Variants in PDE4B observed in about 807,000 individuals in gnomAD.
The protein encoded by PDE4B is 3',5'-cyclic-AMP phosphodiesterase 4B.
In PDE4B, 20 loss-of-function variants were observed where a neutral mutation model predicts 82.2. That is an observed-to-expected ratio of 0.24 (90% CI 0.17 to 0.35). PDE4B has a LOEUF of 0.35. Ranked by LOEUF, PDE4B falls within the 10% of genes least tolerant of loss-of-function variation. The pLI is 1.00. For missense variants in PDE4B, 655 were observed against 907.2 expected, an observed-to-expected ratio of 0.72 and a Z score of 3.57; for synonymous variants, 320 against 318.9, an observed-to-expected ratio of 1.00 and a Z score of -0.04.
intron 3 of PDE4B, among the ~76,000 whole-genome samples, chr1:66,196,253 C>T (rs1015412448): frequency 1.3e-5 from 2 of 152,188 alleles, no homozygotes; most frequent in African/African-American, 4.8e-5. Context: ...ACCTGTGCCA[C>T]AAACTAGAAA....
chr1:65,845,886 C>G (rs1332309520), intron 1 of PDE4B, among the ~76,000 whole-genome samples: 1 of 152,152 alleles, frequency 6.6e-6, no homozygotes, highest in Non-Finnish European at 1.5e-5. Context: ...ACTTTTTCTC[C>G]AGTCCCTATG....
intron 3 of PDE4B, among the ~76,000 whole-genome samples, chr1:66,026,399 G>A (rs1353083292): frequency 6.6e-6 from 1 of 152,138 alleles, no homozygotes; most frequent in Non-Finnish European, 1.5e-5. Context: ...GCCCTAATTA[G>A]GTGAGGCTGT....
chr1:66,285,218 A>T (rs1001877211), intron 7 of PDE4B, among the ~76,000 whole-genome samples: 2 of 152,214 alleles, frequency 1.3e-5, no homozygotes, highest in South Asian at 2.1e-4. Context: ...AAATTTACCC[A>T]TATGACCCAC....
intron 3 of PDE4B, among the ~76,000 whole-genome samples, chr1:66,201,010 G>A (rs1338231526): frequency 1.3e-5 from 2 of 152,082 alleles, no homozygotes; most frequent in Non-Finnish European, 2.9e-5. Context: ...ATTATTTTGA[G>A]ATACATCCCA....
At chr1:66,038,759 G>T (rs1254758114) in intron 3 of PDE4B, among the ~76,000 whole-genome samples, 2 of 152,158 alleles carry the variant, frequency 1.3e-5, no homozygotes, top group Admixed American at 6.5e-5. Context: ...ATTGTTGAGC[G>T]ATTGGAATAG....
At chr1:65,863,210 TCTCA>T (rs1272982690) in intron 1 of PDE4B, among the ~76,000 whole-genome samples, 1 of 152,222 alleles carries the variant, frequency 6.6e-6, no homozygotes, top group East Asian at 1.9e-4. Context: ...GTCTCTTTGT[TCTCA>T]CTGTTTTCAA....
At chr1:66,371,596 T>C (rs1335571581) in intron 16 of PDE4B, among the ~76,000 whole-genome samples, 1 of 152,192 alleles carries the variant, frequency 6.6e-6, no homozygotes, top group East Asian at 1.9e-4. Flanking sequence ...TGGAAATGAC[T>C]GCGTGCTCTG....
At chr1:66,002,973 T>C (rs1429609852) in intron 3 of PDE4B, among the ~76,000 whole-genome samples, 2 of 152,210 alleles carry the variant, frequency 1.3e-5, no homozygotes, top group Admixed American at 1.3e-4. Flanking sequence ...AGTTGTTTAA[T>C]AGATGTTACT....
intron 1 of PDE4B, among the ~76,000 whole-genome samples, chr1:65,865,134 G>A (rs1365742702): frequency 2.0e-5 from 3 of 152,180 alleles, no homozygotes; most frequent in Non-Finnish European, 4.4e-5. Context: ...GCCATGCTGT[G>A]GTGAGTTCTG....
At chr1:66,284,198 A>G (rs2101790800) in intron 7 of PDE4B, among the ~76,000 whole-genome samples, 1 of 152,086 alleles carries the variant, frequency 6.6e-6, no homozygotes, top group South Asian at 2.1e-4. Context: ...TACAAATAAC[A>G]CTCTGTACTG....
chr1:66,108,805 T>TGCTTACAAA (rs1645425674), intron 3 of PDE4B, among the ~76,000 whole-genome samples: 1 of 152,016 alleles, frequency 6.6e-6, no homozygotes, highest in Non-Finnish European at 1.5e-5. Context: ...ATTCAGTTTC[T>TGCTTACAAA]GCTTACAAAG....
At chr1:65,810,289 T>G (rs1433025934) in intron 1 of PDE4B, among the ~76,000 whole-genome samples, 1 of 152,254 alleles carries the variant, frequency 6.6e-6, no homozygotes, top group Non-Finnish European at 1.5e-5. Flanking sequence ...TGGAGGAAGG[T>G]AACTAATATT....
chr1:66,365,839 T>C (rs1663203988), intron 13 of PDE4B, 73 bp downstream of exon 13: 1 of 803,884 alleles, frequency 1.2e-6, no homozygotes, highest in South Asian at 1.8e-5. Flanking sequence ...CTCCTAATGT[T>C]TTCATTATGG....
intron 3 of PDE4B, among the ~76,000 whole-genome samples, chr1:66,037,524 A>C (rs1369348976): frequency 1.3e-5 from 2 of 152,074 alleles, no homozygotes; most frequent in Admixed American, 1.3e-4. Context: ...TGGTGGAGTC[A>C]TTACGATTTT....
chr1:66,337,450 C>G (rs1415147335), intron 8 of PDE4B, among the ~76,000 whole-genome samples: 1 of 152,148 alleles, frequency 6.6e-6, no homozygotes, highest in Non-Finnish European at 1.5e-5. Context: ...ACCCTTAGGC[C>G]TAAGGAGTTT....
intron 3 of PDE4B, among the ~76,000 whole-genome samples, chr1:66,062,242 C>T (rs902021434): frequency 1.3e-5 from 2 of 152,078 alleles, no homozygotes; most frequent in African/African-American, 2.4e-5. Context: ...GGTTTCTTTA[C>T]AAAATGCAAT....
intron 1 of PDE4B, among the ~76,000 whole-genome samples, chr1:65,892,724 A>G (rs1171341459): frequency 1.3e-5 from 2 of 152,058 alleles, no homozygotes; most frequent in African/African-American, 2.4e-5. Flanking sequence ...TCTAAAAAAT[A>G]GACTTATTCA....
chr1:66,062,622 C>T (rs1457824693), intron 3 of PDE4B, among the ~76,000 whole-genome samples: 7 of 151,988 alleles, frequency 4.6e-5, no homozygotes, highest in Admixed American at 3.9e-4. Flanking sequence ...AAGTGTAAAG[C>T]AGAGGATTGA....
At chr1:66,135,274 T>A (rs1283798578) in intron 3 of PDE4B, among the ~76,000 whole-genome samples, 1 of 152,206 alleles carries the variant, frequency 6.6e-6, no homozygotes, top group Non-Finnish European at 1.5e-5. Context: ...GATGTAATTT[T>A]TTAGGTGATG....
Sources: gnomAD v4.1 joint callset for allele counts (sites outside exome capture counted in the v4.1 genomes callset) on GRCh38, gnomAD v4.1.1 for gene constraint, MANE v1.5 for transcripts, NCBI Gene and HGNC (gene_info 2026-07-23, HGNC 2026-07-21) for gene names.